PDE1A: variants seen among roughly 807,000 people sequenced by gnomAD.
PDE1A encodes dual specificity calcium/calmodulin-dependent 3',5'-cyclic nucleotide phosphodiesterase 1A.
A neutral mutation model predicts 61.7 loss-of-function variants in PDE1A; 35 were observed. The ratio of observed to expected loss-of-function variants is 0.57; its 90% CI spans 0.43 to 0.75. PDE1A has a LOEUF of 0.75. PDE1A is among the 30% of genes least tolerant of loss of function. The pLI, the probability that PDE1A is intolerant of heterozygous loss-of-function variation, is 0.00. For synonymous variants in PDE1A, 232 were observed against 213.2 expected (o/e 1.09, Z -0.77); for missense variants, 597 against 630.6 (o/e 0.95, Z 0.57).
the PDE1A span, among the ~76,000 whole-genome samples, chr2:182,530,768 A>G: frequency 6.6e-6 from 1 of 152,176 alleles, no homozygotes; most frequent in African/African-American, 2.4e-5. Flanking sequence ...CTTTAAAACA[A>G]TAGCTAAAGG....
At chr2:182,384,547 A>G (rs1262307773) in intron 1 of PDE1A, among the ~76,000 whole-genome samples, 2 of 151,328 alleles carry the variant, frequency 1.3e-5, no homozygotes, top group Admixed American at 1.3e-4. Context: ...TAAAAATGCT[A>G]TAGAGAGTAA....
chr2:182,510,061 ATAAC>A (rs1377004699), intron 2 of PDE1A, among the ~76,000 whole-genome samples: 1 of 152,172 alleles, frequency 6.6e-6, no homozygotes, highest in African/African-American at 2.4e-5. Context: ...ACATATTTGA[ATAAC>A]TATAAATATC....
the PDE1A span, among the ~76,000 whole-genome samples, chr2:182,705,161 A>T: frequency 6.6e-6 from 1 of 152,226 alleles, no homozygotes; most frequent in Non-Finnish European, 1.5e-5. Flanking sequence ...AATCTCATGT[A>T]TGATAATTTT....
intron 1 of PDE1A, among the ~76,000 whole-genome samples, chr2:182,268,302 G>T (rs1274727435): frequency 6.6e-6 from 1 of 151,968 alleles, no homozygotes; most frequent in Non-Finnish European, 1.5e-5. Context: ...AAAAAACCCA[G>T]TTCAGTTAGA....
intron 1 of PDE1A, among the ~76,000 whole-genome samples, chr2:182,273,709 A>G (rs1309740577): frequency 3.3e-5 from 5 of 152,076 alleles, no homozygotes. Context: ...AAATCAAATT[A>G]AATTGTGGCT....
At chr2:182,622,282 C>G in the PDE1A span, among the ~76,000 whole-genome samples, 20 of 152,078 alleles carry the variant, frequency 1.3e-4, no homozygotes, top group African/African-American at 4.8e-4. Context: ...TGTCCTGGAA[C>G]CATCTATAGA....
At chr2:182,242,134 A>G in intron 2 of PDE1A, 5 of 1,166,138 alleles carry the variant, frequency 4.3e-6, no homozygotes, top group Non-Finnish European at 5.4e-6. Flanking sequence ...TAATCTCCTT[A>G]GAATGACAGA....
At position 182,501,901 on chromosome 2, in the gene PDE1A, T is replaced by C. The variant is rs544498380; in HGVS notation, c.101+20375A>G. On this transcript the variant is annotated intron_variant, in intron 2 of 14. Coordinates refer to the PDE1A transcript ENST00000410103. Reference sequence around the variant, plus strand: ...CACACTTATGTTTTCTGGCAAAATATGAACTCTGTAAACCTAGTTCTGAAT... The same window carrying C: ...CACACTTATGTTTTCTGGCAAAATACGAACTCTGTAAACCTAGTTCTGAAT... Among the ~76,000 whole-genome samples, 29 of 152,340 alleles carry C rather than the reference T, an allele frequency of 1.9e-4. 1 individual carries two copies. The South Asian group carries it at 3.7e-3, about 20-fold the overall frequency.
chr2:182,433,839 A>G (rs1420789533), intron 2 of PDE1A, among the ~76,000 whole-genome samples: 3 of 151,968 alleles, frequency 2.0e-5, no homozygotes, highest in Non-Finnish European at 4.4e-5. Flanking sequence ...TGCCTTGAAC[A>G]CTTCACGCTC....
the PDE1A span, among the ~76,000 whole-genome samples, chr2:182,669,427 A>C: frequency 1.3e-5 from 2 of 152,176 alleles, no homozygotes; most frequent in Non-Finnish European, 2.9e-5. Flanking sequence ...AGTCAAGGAA[A>C]ATTTGTTGAA....
intron 2 of PDE1A, among the ~76,000 whole-genome samples, chr2:182,449,087 A>ACACACACAC (rs1460786874): frequency 0.036 from 5,062 of 140,818 alleles, 238 homozygotes; most frequent in East Asian, 0.13. Flanking sequence ...CACACACACA[A>ACACACACAC]ACAAAACCCA....
At chr2:182,468,862 C>T (rs1342204430) in intron 2 of PDE1A, among the ~76,000 whole-genome samples, 1 of 152,020 alleles carries the variant, frequency 6.6e-6, no homozygotes. Context: ...ACTAGCAGAG[C>T]TCCTGGGTGA....
the PDE1A span, among the ~76,000 whole-genome samples, chr2:182,588,178 C>A: frequency 4.6e-5 from 7 of 152,156 alleles, no homozygotes; most frequent in African/African-American, 7.2e-5. Flanking sequence ...TCATTTCCTT[C>A]TCATCATCTG....
chr2:182,248,589 G>A (rs1691163137), intron 2 of PDE1A, among the ~76,000 whole-genome samples: 2 of 152,148 alleles, frequency 1.3e-5, no homozygotes, highest in African/African-American at 4.8e-5. Context: ...GAACTAAAAA[G>A]TTTGCAGGGA....
At chr2:182,203,377 C>T (rs982530364) in intron 8 of PDE1A, among the ~76,000 whole-genome samples, 1 of 152,168 alleles carries the variant, frequency 6.6e-6, no homozygotes, top group South Asian at 2.1e-4. Flanking sequence ...CATGAGCACT[C>T]AACATTTCTA....
the PDE1A span, among the ~76,000 whole-genome samples, chr2:182,617,693 C>T: frequency 6.6e-6 from 1 of 152,180 alleles, no homozygotes; most frequent in Non-Finnish European, 1.5e-5. Flanking sequence ...GATAATTCTC[C>T]ATTTGAGTCA....
chr2:182,716,552 G>C, the PDE1A span: 2 of 152,442 alleles, frequency 1.3e-5, no homozygotes, highest in East Asian at 3.9e-4. Flanking sequence ...GTCAGGGAGG[G>C]GCGGAATGGC....
the PDE1A span, among the ~76,000 whole-genome samples, chr2:182,570,183 G>C: frequency 1.3e-5 from 2 of 152,104 alleles, no homozygotes; most frequent in Non-Finnish European, 2.9e-5. Context: ...TAAAAATCTG[G>C]AGCAGGGAAA....
At chr2:182,659,409 C>T in the PDE1A span, among the ~76,000 whole-genome samples, 51 of 152,230 alleles carry the variant, frequency 3.4e-4, no homozygotes, top group African/African-American at 1.2e-3. Context: ...ATATGCCAAA[C>T]ATAAATGATA....
Sources: gnomAD v4.1 joint callset for allele counts (sites outside exome capture counted in the v4.1 genomes callset) on GRCh38, gnomAD v4.1.1 for gene constraint, MANE v1.5 for transcripts, NCBI Gene and HGNC (gene_info 2026-07-23, HGNC 2026-07-21) for gene names.